Variants in SCRG1 observed in about 807,000 individuals in gnomAD.
The protein encoded by SCRG1 is scrapie-responsive protein 1.
Under a neutral mutation model 7.7 loss-of-function variants are expected in SCRG1, and 3 were observed. The ratio of observed to expected loss-of-function variants is 0.39; its 90% CI spans 0.18 to 1.01. SCRG1 has a LOEUF of 1.01. Ranked by LOEUF, SCRG1 falls within the 50% of genes least tolerant of loss-of-function variation. SCRG1 has a pLI of 0.36. For synonymous variants in SCRG1, 46 were observed against 41.2 expected (o/e 1.12, Z -0.44); for missense variants, 110 against 117.2 (o/e 0.94, Z 0.28).
At chr4:173,482,078 G>C in the SCRG1 span, among the ~76,000 whole-genome samples, 1 of 152,048 alleles carries the variant, frequency 6.6e-6, no homozygotes, top group Non-Finnish European at 1.5e-5. Context: ...TGATTTGGTG[G>C]TTGAGTGATC....
At chr4:173,441,708 C>T in the SCRG1 span, among the ~76,000 whole-genome samples, 2 of 152,198 alleles carry the variant, frequency 1.3e-5, no homozygotes, top group African/African-American at 2.4e-5. Flanking sequence ...AAGTCTTGTC[C>T]TCAAAAAGTC....
At chr4:173,453,801 G>T in the SCRG1 span, among the ~76,000 whole-genome samples, 1 of 152,292 alleles carries the variant, frequency 6.6e-6, no homozygotes, top group African/African-American at 2.4e-5. Context: ...GAGCAGCTGG[G>T]TGTGGTGGCT....
chr4:173,474,546 G>A, the SCRG1 span, among the ~76,000 whole-genome samples: 26 of 152,330 alleles, frequency 1.7e-4, no homozygotes, highest in African/African-American at 6.3e-4. Flanking sequence ...GTGAGTTTTT[G>A]TGATTATTTA....
At chr4:173,476,363 A>AAAAATATATATATATATATAT in the SCRG1 span, among the ~76,000 whole-genome samples, 26 of 98,502 alleles carry the variant, frequency 2.6e-4, no homozygotes, top group Non-Finnish European at 3.7e-4. Flanking sequence ...GGAAAAAAAA[A>AAAAATATATATATATATATAT]ATATATATAT....
chr4:173,420,555 T>A, the SCRG1 span, among the ~76,000 whole-genome samples: 1 of 152,162 alleles, frequency 6.6e-6, no homozygotes, highest in African/African-American at 2.4e-5. Context: ...TATACAAGGA[T>A]CTATTCATTC....
At chr4:173,471,733 C>CT in the SCRG1 span, among the ~76,000 whole-genome samples, 1 of 152,062 alleles carries the variant, frequency 6.6e-6, no homozygotes, top group African/African-American at 2.4e-5. Flanking sequence ...TTTTGTTTTG[C>CT]TTTTTTGCTC....
At chr4:173,490,479 C>T in the SCRG1 span, among the ~76,000 whole-genome samples, 534 of 152,244 alleles carry the variant, frequency 3.5e-3, 1 homozygote, top group African/African-American at 7.6e-3. Context: ...CCACAGGCCA[C>T]CAATTAACAA....
At chr4:173,445,233 T>C in the SCRG1 span, among the ~76,000 whole-genome samples, 1 of 152,232 alleles carries the variant, frequency 6.6e-6, no homozygotes, top group Non-Finnish European at 1.5e-5. Flanking sequence ...TTATATGAAG[T>C]TCTTATCTTA....
the SCRG1 span, among the ~76,000 whole-genome samples, chr4:173,504,162 T>TG: frequency 6.8e-6 from 1 of 147,916 alleles, no homozygotes; most frequent in African/African-American, 2.6e-5. The surrounding 1 kb of genome is among the most constrained non-coding windows in gnomAD (Gnocchi z 4.7). Flanking sequence ...TGAACTACAT[T>TG]GGTTTTTTTT....
chr4:173,513,175 C>T, the SCRG1 span, among the ~76,000 whole-genome samples: 1 of 152,156 alleles, frequency 6.6e-6, no homozygotes, highest in East Asian at 1.9e-4. Context: ...AAGCCACATT[C>T]CCACAATTCT....
the SCRG1 span, among the ~76,000 whole-genome samples, chr4:173,431,035 G>T: frequency 2.6e-5 from 4 of 152,118 alleles, no homozygotes; most frequent in Non-Finnish European, 5.9e-5. Context: ...TCATGATTTG[G>T]ATCATGGGTT....
upstream of SCRG1, among the ~76,000 whole-genome samples, chr4:173,402,248 C>T (rs1211514018): frequency 6.6e-5 from 10 of 151,920 alleles, no homozygotes; most frequent in Non-Finnish European, 1.2e-4. Flanking sequence ...ATGATGATGA[C>T]GATGGTGATG....
At chr4:173,515,229 G>T in the SCRG1 span, among the ~76,000 whole-genome samples, 18 of 152,180 alleles carry the variant, frequency 1.2e-4, no homozygotes, top group Admixed American at 1.2e-3. This position sits in a 1 kb window ranked among gnomAD's most constrained non-coding sequence, Gnocchi z 4.6. Flanking sequence ...GATGGCAAGG[G>T]ATAGAAAGTA....
At chr4:173,513,193 A>G in the SCRG1 span, among the ~76,000 whole-genome samples, 1 of 152,194 alleles carries the variant, frequency 6.6e-6, no homozygotes, top group Non-Finnish European at 1.5e-5. Flanking sequence ...TCTAGGCAGA[A>G]TTTGATCTCA....
chr4:173,465,394 G>A, the SCRG1 span, among the ~76,000 whole-genome samples: 1 of 151,956 alleles, frequency 6.6e-6, no homozygotes, highest in African/African-American at 2.4e-5. Context: ...CCATTAACAG[G>A]GCAACTGATA....
the SCRG1 span, among the ~76,000 whole-genome samples, chr4:173,470,728 T>G: frequency 6.6e-6 from 1 of 152,248 alleles, no homozygotes; most frequent in African/African-American, 2.4e-5. Flanking sequence ...TCATTCTAAC[T>G]AATAGCCATA....
chr4:173,492,653 G>A, the SCRG1 span, among the ~76,000 whole-genome samples: 1 of 152,208 alleles, frequency 6.6e-6, no homozygotes, highest in African/African-American at 2.4e-5. Context: ...CTACACCCAC[G>A]AGGCTGGAGA....
At chr4:173,509,717 C>T in the SCRG1 span, among the ~76,000 whole-genome samples, 3 of 152,148 alleles carry the variant, frequency 2.0e-5, no homozygotes, top group Non-Finnish European at 4.4e-5. This position sits in a 1 kb window ranked among gnomAD's most constrained non-coding sequence, Gnocchi z 5.7. Flanking sequence ...CGCGCCCCTC[C>T]CCACCCCAGG....
the SCRG1 span, among the ~76,000 whole-genome samples, chr4:173,485,016 AATATATAATATATTATATATT>A: frequency 6.9e-5 from 2 of 28,788 alleles, 1 homozygote; most frequent in African/African-American, 2.7e-4. Flanking sequence ...TATAATATAT[AATATATAATATATTATATATT>A]ATATATTATA....
Sources: allele counts gnomAD v4.1 joint callset (sites outside exome capture counted in the v4.1 genomes callset), GRCh38; gene constraint gnomAD v4.1.1; non-coding constraint Gnocchi (gnomAD v3.1); transcripts MANE v1.5; gene names NCBI Gene and HGNC (gene_info 2026-07-23, HGNC 2026-07-21).